Variants in ANKRD46 observed in about 807,000 individuals in gnomAD.
ANKRD46 encodes ankyrin repeat domain 46, also known as ankyrin repeat domain-containing protein 46.
Under a neutral mutation model 19.8 loss-of-function variants are expected in ANKRD46, and 13 were observed. That is an observed-to-expected ratio of 0.66 (90% CI 0.43 to 1.04). The LOEUF is 1.04. Ranked by LOEUF, ANKRD46 falls within the 50% of genes least tolerant of loss-of-function variation. ANKRD46 has a pLI of 0.00. For missense variants in ANKRD46, 185 were observed against 274.8 expected, an observed-to-expected ratio of 0.67 and a Z score of 2.31; for synonymous variants, 91 against 106.9, an observed-to-expected ratio of 0.85 and a Z score of 0.92.
chr8:100,518,721 A>G (rs1361750959), downstream of ANKRD46, among the ~76,000 whole-genome samples: 3 of 151,950 alleles, frequency 2.0e-5, no homozygotes, highest in Non-Finnish European at 4.4e-5. Flanking sequence ...GCGTGGTGGC[A>G]CGCCCCTGTA....
chr8:100,521,738 A>G lies in ANKRD46; in HGVS notation c.*817T>C. The G allele has an allele frequency of 1.0e-6, 1 of 985,326 alleles. No individual in the cohort carries two copies. Among genetic ancestry groups the G allele is most frequent in the Non-Finnish European group, 1.2e-6 (1 of 829,816 alleles). The allele number at this position is 985,326 out of a possible 1,614,324, so 61.0% of individuals were successfully genotyped here. The stretch of plus-strand genomic sequence containing the variant: ...AGCACTACAGAATTATGACAGTTAA[A>G]TATCAGAATTATTTTTCCCTGCTAA... On this transcript the variant is annotated 3_prime_UTR_variant, in exon 5 of 5. Coordinates refer to ENST00000335659, the MANE Select transcript of ANKRD46 (RefSeq NM_001270377.2).
chr8:100,558,095 G>A (rs138037679), intron 1 of ANKRD46, among the ~76,000 whole-genome samples: 5 of 152,326 alleles, frequency 3.3e-5, no homozygotes, highest in African/African-American at 1.2e-4. Flanking sequence ...CTTGCTATAT[G>A]AATGCCGAAT....
intron 5 of ANKRD46, among the ~76,000 whole-genome samples, chr8:100,514,531 G>A (rs1811596738): frequency 6.7e-6 from 1 of 149,294 alleles, no homozygotes. Flanking sequence ...AAAAAAGGGA[G>A]AAGACTCTAT....
rs140363099 is a variant in ANKRD46, at chr8:100,522,336, T to C, written c.*219A>G. On this transcript the variant is annotated 3_prime_UTR_variant, in exon 5 of 5. Coordinates refer to ENST00000335659, the MANE Select transcript of ANKRD46 (RefSeq NM_001270377.2). ...GTGTAGGCTTTCCTACAAAGTCAGGTTGAGTCAGAGGTAGCGTTAGGATGC... is the reference window on the plus strand; with the variant it reads ...GTGTAGGCTTTCCTACAAAGTCAGGCTGAGTCAGAGGTAGCGTTAGGATGC... 97 of 1,363,048 alleles carry C rather than the reference T, an allele frequency of 7.1e-5. No individual in the cohort carries two copies. In the East Asian group the frequency reaches 2.6e-3, roughly 37 times the overall value. 84.4% of individuals were successfully genotyped at this position (1,363,048 alleles called of 1,614,324 possible). A position where few individuals can be genotyped will look rare whatever the true frequency, so the allele number is the denominator to read the frequency against.
chr8:100,522,782 A>G lies in ANKRD46; in HGVS notation c.471-11T>C. 6.2e-7 allele frequency: 1 copy of G among 1,612,444 alleles called. No individual in the cohort carries two copies. The highest frequency in any genetic ancestry group is 8.5e-7 in the Non-Finnish European group (1 of 1,179,000). On this transcript the variant is annotated splice_polypyrimidine_tract_variant and intron_variant, in intron 4 of 4. Coordinates refer to ENST00000335659, the MANE Select transcript of ANKRD46 (RefSeq NM_001270377.2). ...TGGCTTTCCATGGCACTGTGGAAGA[A>G]GAAAGAGCAAAAAGGGCATTAAAAA... is the stretch of plus-strand genomic sequence containing the variant.
chr8:100,523,648 C>CT (rs906667165), intron 4 of ANKRD46, among the ~76,000 whole-genome samples: 87 of 145,178 alleles, frequency 6.0e-4, no homozygotes, highest in Admixed American at 5.5e-4. Flanking sequence ...ATCAGAAATT[C>CT]TTTTTTTTTT....
At chr8:100,556,070 C>T (rs769835104) in intron 1 of ANKRD46, among the ~76,000 whole-genome samples, 1 of 152,186 alleles carries the variant, frequency 6.6e-6, no homozygotes, top group Non-Finnish European at 1.5e-5. Flanking sequence ...ACATTTGAAA[C>T]TATGCAGTGG....
At position 100,515,309 on chromosome 8, in the gene ANKRD46, G is replaced by A. The variant is rs563579656; in HGVS notation, c.637-4670C>T. The stretch of plus-strand genomic sequence containing the variant: ...ACATCATGCCTGCTCTTGAAACCCC[G>A]GGGCCTGTTGCTCAGCTTCCTCACG... On this transcript the variant is annotated intron_variant, in intron 5 of 5. Coordinates refer to the ANKRD46 transcript ENST00000520552. 1.5e-4 allele frequency among the ~76,000 whole-genome samples: 23 copies of A among 152,248 alleles called. 1 individual carries two copies. The highest frequency in any genetic ancestry group is 5.1e-4 in the African/African-American group (21 of 41,538).
At chr8:100,520,344 G>A (rs1044446144), downstream of ANKRD46, among the ~76,000 whole-genome samples, 4 of 152,148 alleles carry the variant, frequency 2.6e-5, no homozygotes, top group African/African-American at 7.2e-5. Flanking sequence ...GAAAGACAGC[G>A]GGACAGGAGG....
At chr8:100,552,703 A>G (rs929705911) in intron 1 of ANKRD46, among the ~76,000 whole-genome samples, 4 of 152,234 alleles carry the variant, frequency 2.6e-5, no homozygotes, top group African/African-American at 7.2e-5. Flanking sequence ...TTATTTTTCT[A>G]TGGTGTATAA....
intron 1 of ANKRD46, among the ~76,000 whole-genome samples, chr8:100,540,284 A>G (rs1215614218): frequency 6.6e-6 from 1 of 152,200 alleles, no homozygotes; most frequent in African/African-American, 2.4e-5. Flanking sequence ...ATAAGGGAGA[A>G]CATTAGTCTA....
chr8:100,513,504 A>G (rs970590915), intron 5 of ANKRD46, among the ~76,000 whole-genome samples: 5 of 152,214 alleles, frequency 3.3e-5, no homozygotes, highest in African/African-American at 1.2e-4. Flanking sequence ...CAGAAAATGT[A>G]TTTGATCAAG....
chr8:100,536,290 A>T lies in ANKRD46; in HGVS notation c.-130-2979T>A, dbSNP rs1261703967. On this transcript the variant is annotated intron_variant, in intron 1 of 4. Transcript: ENST00000335659. This position sits in a 1 kb window ranked among gnomAD's most constrained non-coding sequence, Gnocchi z 4.9. ...GAGAGGTGGGAAAAGTAGCGGGGAG[A>T]GATATGTGATAGTCTGACTCTCCTG... is the stretch of plus-strand genomic sequence containing the variant. 6.6e-6 allele frequency among the ~76,000 whole-genome samples: 1 copy of T among 151,902 alleles called. No homozygotes were observed. The highest frequency in any genetic ancestry group is 1.5e-5 in the Non-Finnish European group (1 of 67,976).
chr8:100,548,740 A>C (rs1335103586), intron 1 of ANKRD46, among the ~76,000 whole-genome samples: 1 of 152,238 alleles, frequency 6.6e-6, no homozygotes, highest in African/African-American at 2.4e-5. Flanking sequence ...AATGAAAATG[A>C]AGGCATTCAC....
chr8:100,555,579 A>G (rs537798314), intron 1 of ANKRD46, among the ~76,000 whole-genome samples: 2 of 151,620 alleles, frequency 1.3e-5, no homozygotes, highest in Admixed American at 1.3e-4. Context: ...GCCTAACTTA[A>G]GAAGCTATGC....
At chr8:100,538,028 G>A (rs900852665) in intron 1 of ANKRD46, among the ~76,000 whole-genome samples, 2 of 152,176 alleles carry the variant, frequency 1.3e-5, no homozygotes, top group Admixed American at 1.3e-4. Flanking sequence ...TATGTTTCTA[G>A]AAGCCAAGAA....
chr8:100,529,699 G>A lies in ANKRD46; in HGVS notation c.135C>T (p.Gly45=). 1 of 1,614,252 alleles carries A rather than the reference G, an allele frequency of 6.2e-7. No homozygotes were observed. The highest frequency in any genetic ancestry group is 8.5e-7 in the Non-Finnish European group (1 of 1,180,054). The change falls in exon 3 of 5, where the codon GGC becomes GGT. Residue 45 remains glycine (G), a synonymous_variant. Transcript: ENST00000335659. The surrounding 1 kb of genome is among the most constrained non-coding windows in gnomAD (Gnocchi z 5.8). ...GFDPNIRDSR[G]RTGLHLAAAR... ...CTGCTGCAAGGTGAAGGCCTGTTCT[G>A]CCCCTGCTGTCACGAATATTTGGGT...
downstream of ANKRD46, among the ~76,000 whole-genome samples, chr8:100,516,986 G>A (rs1251185999): frequency 6.6e-6 from 1 of 152,150 alleles, no homozygotes; most frequent in Non-Finnish European, 1.5e-5. Context: ...TCAAATCCCA[G>A]CTCTGCCGCT....
chr8:100,515,660 GA>G (rs1205971350), intron 5 of ANKRD46, among the ~76,000 whole-genome samples: 43 of 148,272 alleles, frequency 2.9e-4, no homozygotes, highest in African/African-American at 7.3e-4. Context: ...AGGTGCGGGG[GA>G]GGGGGGGGGC....
Sources: gnomAD v4.1 joint callset for allele counts (sites outside exome capture counted in the v4.1 genomes callset) on GRCh38, gnomAD v4.1.1 for gene constraint, Gnocchi (gnomAD v3.1) non-coding constraint, MANE v1.5 for transcripts, NCBI Gene and HGNC (gene_info 2026-07-23, HGNC 2026-07-21) for gene names.